The following TCF7L2 variants were observed in gnomAD, a reference collection of about 807,000 sequenced individuals.
TCF7L2 encodes transcription factor 7-like 2.
A neutral mutation model predicts 77.9 loss-of-function variants in TCF7L2; 23 were observed. The observed-to-expected ratio is 0.30, with a 90% CI of 0.21 to 0.42. The LOEUF (loss-of-function observed/expected upper bound fraction) is 0.42. TCF7L2 is among the 10% of genes least tolerant of loss of function. The pLI, the probability that TCF7L2 is intolerant of heterozygous loss-of-function variation, is 1.00. For synonymous variants in TCF7L2, 413 were observed against 340.2 expected (o/e 1.21, Z -2.36); for missense variants, 654 against 793.1 (o/e 0.82, Z 2.11).
At position 112,950,918 on chromosome 10, in the gene TCF7L2, G is replaced by C. The variant is rs1490455799; in HGVS notation, c.162G>C (p.Thr54=). The change falls in exon 1 of 14, where the codon ACG becomes ACC. Residue 54 remains threonine, a synonymous_variant. Transcript: ENST00000627217. ...CGTCTCTAGTCAATGAATCAGAAACGAATCAAAACAGCTCCTCCGATTCCG... is the reference window on the plus strand; with the variant it reads ...CGTCTCTAGTCAATGAATCAGAAACCAATCAAAACAGCTCCTCCGATTCCG... 1 of 1,612,004 alleles carries C rather than the reference G, an allele frequency of 6.2e-7. No homozygotes were observed. Among genetic ancestry groups the C allele is most frequent in the Non-Finnish European group, 8.5e-7 (1 of 1,179,370 alleles).
intron 3 of TCF7L2, among the ~76,000 whole-genome samples, chr10:112,954,252 C>T (rs1056346622): frequency 1.3e-5 from 2 of 152,126 alleles, no homozygotes; most frequent in Non-Finnish European, 2.9e-5. Flanking sequence ...TCCCTTTGCT[C>T]CTTGGTGGCG....
intron 4 of TCF7L2, among the ~76,000 whole-genome samples, chr10:112,979,245 A>G (rs967417015): frequency 6.6e-6 from 1 of 152,190 alleles, no homozygotes; most frequent in African/African-American, 2.4e-5. Flanking sequence ...CTCTTGCCTC[A>G]GTACCCATAA....
chr10:113,026,904 G>A (rs2049282945), intron 4 of TCF7L2, among the ~76,000 whole-genome samples: 1 of 152,204 alleles, frequency 6.6e-6, no homozygotes, highest in Non-Finnish European at 1.5e-5. Flanking sequence ...GATTTTGCCT[G>A]TCTAGATGAC....
intron 3 of TCF7L2, among the ~76,000 whole-genome samples, chr10:112,961,254 A>ACCGCCCCCCCCCCCCC (rs1349844083): frequency 3.3e-5 from 2 of 60,494 alleles, no homozygotes; most frequent in African/African-American, 1.5e-4. Flanking sequence ...ACCTCAGGTG[A>ACCGCCCCCCCCCCCCC]CCCCCCCCCC....
intron 4 of TCF7L2, among the ~76,000 whole-genome samples, chr10:112,983,465 A>G (rs1369388818): frequency 2.0e-5 from 3 of 151,914 alleles, no homozygotes; most frequent in Non-Finnish European, 4.4e-5. Flanking sequence ...ACAGAGCGAG[A>G]CTCTGTCTCA....
Position 113,165,739 on chromosome 10 carries a change from C to T in TCF7L2, c.1576C>T (p.Leu526=), listed in dbSNP as rs752575439. 7.4e-6 allele frequency: 12 copies of T among 1,612,842 alleles called. No homozygotes were observed. Among genetic ancestry groups the T allele is most frequent in the Middle Eastern group, 3.3e-4 (2 of 6,076 alleles). Residue 526 remains leucine, a synonymous_variant, in exon 14 of 14, where the codon CTG becomes TTG. Transcript: ENST00000627217. ...GTCGCTGTCCCTGAAGCCCGACCCC[C>T]TGGCCCACCTGTCCATGATGCCTCC...
chr10:113,077,345 G>A (rs2058798429), intron 5 of TCF7L2, among the ~76,000 whole-genome samples: 1 of 152,132 alleles, frequency 6.6e-6, no homozygotes. Flanking sequence ...AATAAGTTTA[G>A]TCACATACCA....
intron 5 of TCF7L2, among the ~76,000 whole-genome samples, chr10:113,094,982 C>T (rs1186356107): frequency 1.3e-5 from 2 of 151,956 alleles, no homozygotes; most frequent in Non-Finnish European, 2.9e-5. Flanking sequence ...TAGCTGGGTA[C>T]GTGGTCCCAG....
At chr10:112,966,244 G>T (rs115129840) in intron 4 of TCF7L2, among the ~76,000 whole-genome samples, 3,109 of 140,052 alleles carry the variant, frequency 0.022, 141 homozygotes, top group African/African-American at 0.086. Context: ...CAGTTGTGCC[G>T]CCAACCTTCT....
intron 4 of TCF7L2, among the ~76,000 whole-genome samples, chr10:113,008,110 T>G (rs1051157429): frequency 6.6e-6 from 1 of 152,252 alleles, no homozygotes; most frequent in African/African-American, 2.4e-5. Context: ...CTTGCTGAGC[T>G]TTGCAGACAC....
chr10:113,086,081 C>A (rs2059805659), intron 5 of TCF7L2, among the ~76,000 whole-genome samples: 1 of 152,184 alleles, frequency 6.6e-6, no homozygotes, highest in Non-Finnish European at 1.5e-5. Context: ...TCAAGAAGCA[C>A]CAAATCCCTA....
chr10:113,094,180 A>G (rs576403263), intron 5 of TCF7L2, among the ~76,000 whole-genome samples: 8 of 152,338 alleles, frequency 5.3e-5, no homozygotes, highest in African/African-American at 1.9e-4. Context: ...AGGGAAGAAG[A>G]GACTTCCGCT....
At chr10:113,057,431 G>A (rs1020555978) in intron 5 of TCF7L2, among the ~76,000 whole-genome samples, 8 of 152,094 alleles carry the variant, frequency 5.3e-5, no homozygotes, top group Non-Finnish European at 5.9e-5. Context: ...TCGGCCTCCC[G>A]AAGTGGTGGG....
intron 5 of TCF7L2, among the ~76,000 whole-genome samples, chr10:113,064,121 G>A (rs1242511156): frequency 6.6e-6 from 1 of 152,198 alleles, no homozygotes; most frequent in African/African-American, 2.4e-5. Flanking sequence ...ATCTCCTGAA[G>A]AAGGACTGTT....
Position 113,165,763 on chromosome 10 carries a change from C to T in TCF7L2, c.1600C>T (p.Pro534Ser), listed in dbSNP as rs2137652467. The T allele has an allele frequency of 6.2e-7, 1 of 1,609,660 alleles. No homozygotes were observed. Among genetic ancestry groups the T allele is most frequent in the Non-Finnish European group, 8.5e-7 (1 of 1,177,706 alleles). Residue 534 changes from proline (P) to serine (S), a missense_variant, in exon 14 of 14, where the codon CCG becomes TCG. Physicochemically the swap from Pro to Ser is moderately conservative, Grantham distance 74. Around this residue, in one of 6 missense-constraint regions of TCF7L2, gnomAD observed 272 missense variants for 215.4 expected, o/e 1.26. Coordinates refer to ENST00000627217, the MANE Select transcript of TCF7L2 (RefSeq NM_001146274.2). ...CCTGGCCCACCTGTCCATGATGCCT[C>T]CGCCACCCGCCCTCCTGCTCGCTGA...
Position 113,151,824 on chromosome 10 carries a change from G to A in TCF7L2, c.1101G>A (p.Lys367=), listed in dbSNP as rs2137154077. The change falls in exon 10 of 14, where the codon AAG becomes AAA. Residue 367 remains lysine (K), a synonymous_variant. Transcript: ENST00000627217. This position sits in a 1 kb window ranked among gnomAD's most constrained non-coding sequence, Gnocchi z 5.2. ...TGTATATGAAGGAAATGAGAGCAAAGGTCGTAGCTGAGTGCACGTTGAAAG... is the reference window on the plus strand; with the variant it reads ...TGTATATGAAGGAAATGAGAGCAAAAGTCGTAGCTGAGTGCACGTTGAAAG... 6.2e-7 allele frequency: 1 copy of A among 1,613,734 alleles called. No homozygotes were observed. The highest frequency in any genetic ancestry group is 8.5e-7 in the Non-Finnish European group (1 of 1,179,962).
intron 4 of TCF7L2, among the ~76,000 whole-genome samples, chr10:113,025,507 G>A (rs1268544552): frequency 6.6e-6 from 1 of 152,140 alleles, no homozygotes; most frequent in East Asian, 1.9e-4. Flanking sequence ...CCAGAGTGAT[G>A]GGATTATAGG....
At chr10:113,004,173 G>A (rs375414713) in intron 4 of TCF7L2, among the ~76,000 whole-genome samples, 5 of 152,302 alleles carry the variant, frequency 3.3e-5, no homozygotes, top group African/African-American at 1.2e-4. Context: ...GTGCCTGTAA[G>A]TAGAGAAGTC....
In TCF7L2 at chr10:112,950,611, C is replaced by A; in HGVS notation, c.-146C>A. On this transcript the variant is annotated 5_prime_UTR_variant, in exon 1 of 14. Coordinates refer to ENST00000627217, the MANE Select transcript of TCF7L2 (RefSeq NM_001146274.2). ...TTTTCCCCTCCCCAGGAGAAAAAGA[C>A]CCCCAAGCAGAAAAAAGTTCACCTT... 2 of 581,406 alleles carry A rather than the reference C, an allele frequency of 3.4e-6. No homozygotes were observed. Among genetic ancestry groups the A allele is most frequent in the Non-Finnish European group, 2.7e-6 (1 of 374,136 alleles). 36.0% of individuals were successfully genotyped at this position (581,406 alleles called of 1,614,324 possible).
Sources: gnomAD v4.1 joint callset for allele counts (sites outside exome capture counted in the v4.1 genomes callset) on GRCh38, gnomAD v4.1.1 for gene constraint, gnomAD v4.1.1 regional missense constraint, Gnocchi (gnomAD v3.1) non-coding constraint, MANE v1.5 for transcripts, NCBI Gene and HGNC (gene_info 2026-07-23, HGNC 2026-07-21) for gene names.